VCF1: variants seen among roughly 807,000 people sequenced by gnomAD.
VCF1 encodes the protein VCP nuclear cofactor family member 1, also known as protein VCF1.
the VCF1 span, among the ~76,000 whole-genome samples, chr17:73,224,919 GGA>G: frequency 4.1e-5 from 6 of 146,872 alleles, no homozygotes; most frequent in Non-Finnish European, 8.9e-5. Context: ...GGACAGGACA[GGA>G]CAGGACAGGA....
the VCF1 span, among the ~76,000 whole-genome samples, chr17:73,224,930 GACAGC>G: frequency 2.7e-4 from 23 of 85,852 alleles, no homozygotes; most frequent in African/African-American, 5.9e-4. Flanking sequence ...GACAGGACAG[GACAGC>G]ACAGCACAGC....
At chr17:73,212,786 T>G in the VCF1 span, 1 of 1,404,786 alleles carries the variant, frequency 7.1e-7, no homozygotes, top group Non-Finnish European at 9.9e-7. Flanking sequence ...GTAAGTCAAG[T>G]TTTCATCTCA....
chr17:73,217,511 G>A, the VCF1 span, among the ~76,000 whole-genome samples: 2 of 151,606 alleles, frequency 1.3e-5, no homozygotes, highest in Admixed American at 6.6e-5. Flanking sequence ...TTAGCTGGGC[G>A]TGGTGGCGTG....
At chr17:73,216,738 G>T in the VCF1 span, among the ~76,000 whole-genome samples, 1 of 152,166 alleles carries the variant, frequency 6.6e-6, no homozygotes, top group Admixed American at 6.5e-5. Flanking sequence ...AGAGGACGGG[G>T]AAGTTGAAGT....
At chr17:73,226,137 G>A in the VCF1 span, among the ~76,000 whole-genome samples, 8 of 151,764 alleles carry the variant, frequency 5.3e-5, no homozygotes, top group African/African-American at 9.7e-5. Context: ...TCCTGACCTC[G>A]TGATCTGCCC....
chr17:73,210,528 T>C, the VCF1 span, among the ~76,000 whole-genome samples: 1 of 150,790 alleles, frequency 6.6e-6, no homozygotes, highest in Non-Finnish European at 1.5e-5. Flanking sequence ...CTTTCAGAAA[T>C]TCCCGCCTTC....
chr17:73,229,867 CAAAAAAAAAAAAAA>C, the VCF1 span, among the ~76,000 whole-genome samples: 32 of 22,624 alleles, frequency 1.4e-3, 1 homozygote, highest in African/African-American at 3.2e-3. Flanking sequence ...GACTCCATCT[CAAAAAAAAAAAAAA>C]AAAAAAAAAA....
the VCF1 span, among the ~76,000 whole-genome samples, chr17:73,218,748 A>G: frequency 2.0e-5 from 3 of 151,944 alleles, no homozygotes; most frequent in East Asian, 5.8e-4. Context: ...GGCCAGGCGC[A>G]GTGGCTCACG....
chr17:73,232,298 C>T, the VCF1 span: 69 of 1,582,082 alleles, frequency 4.4e-5, no homozygotes, highest in African/African-American at 7.7e-4. Context: ...CTGCTCCGCG[C>T]CCCCCCATGT....
At chr17:73,211,035 T>G in the VCF1 span, among the ~76,000 whole-genome samples, 2 of 152,256 alleles carry the variant, frequency 1.3e-5, no homozygotes, top group Admixed American at 1.3e-4. Flanking sequence ...TTCTAGTAAT[T>G]AATATCTAGC....
At chr17:73,227,155 C>T in the VCF1 span, 3 of 1,553,594 alleles carry the variant, frequency 1.9e-6, no homozygotes, top group South Asian at 2.4e-5. Flanking sequence ...TATGTGACCA[C>T]ACTTCCTACC....
At chr17:73,208,591 G>T in the VCF1 span, 1 of 1,072,004 alleles carries the variant, frequency 9.3e-7, no homozygotes, top group East Asian at 2.4e-5. Flanking sequence ...ACTGTTGGGG[G>T]TTACTTTAAG....
At chr17:73,227,285 G>T in the VCF1 span, 32 of 1,269,824 alleles carry the variant, frequency 2.5e-5, no homozygotes, top group African/African-American at 6.5e-5. Context: ...ATCACAAGGA[G>T]AAAAAAAAAA....
the VCF1 span, chr17:73,227,172 T>C: frequency 1.3e-6 from 2 of 1,585,136 alleles, no homozygotes; most frequent in Admixed American, 1.8e-5. Context: ...TACCTCTGTG[T>C]CCCAGGAATC....
the VCF1 span, among the ~76,000 whole-genome samples, chr17:73,224,821 GCAGCACAGCA>G: frequency 2.9e-5 from 4 of 139,810 alleles, no homozygotes; most frequent in Admixed American, 2.1e-4. Context: ...GAAGCACAGC[GCAGCACAGCA>G]CAGCACAGCA....
the VCF1 span, among the ~76,000 whole-genome samples, chr17:73,212,120 A>C: frequency 6.6e-6 from 1 of 152,366 alleles, no homozygotes; most frequent in East Asian, 1.9e-4. Flanking sequence ...TCTACACTTC[A>C]ACTTTTTTGC....
chr17:73,220,054 A>G, the VCF1 span, among the ~76,000 whole-genome samples: 7 of 152,176 alleles, frequency 4.6e-5, no homozygotes, highest in African/African-American at 1.7e-4. Context: ...CAATCCTAAC[A>G]GTTTCACTGA....
chr17:73,224,443 G>A, the VCF1 span, among the ~76,000 whole-genome samples: 1 of 151,892 alleles, frequency 6.6e-6, no homozygotes, highest in Admixed American at 6.6e-5. Flanking sequence ...TATTCATTCA[G>A]GGAAAACATA....
At chr17:73,208,341 G>GGTGACCCGACAGTTCCTGGC in the VCF1 span, 1 of 1,614,088 alleles carries the variant, frequency 6.2e-7, no homozygotes, top group East Asian at 2.2e-5. Flanking sequence ...CTCCACAGCT[G>GGTGACCCGACAGTTCCTGGC]GTGACCCGAC....
Sources: allele counts gnomAD v4.1 joint callset (sites outside exome capture counted in the v4.1 genomes callset), GRCh38; gene constraint gnomAD v4.1.1; transcripts MANE v1.5; gene names NCBI Gene and HGNC (gene_info 2026-07-23, HGNC 2026-07-21).